The following GLDC variants were observed in gnomAD, a reference collection of about 807,000 sequenced individuals.
GLDC encodes glycine decarboxylase, also known as glycine dehydrogenase (decarboxylating), mitochondrial.
GLDC carries 104 observed loss-of-function variants against 121.3 expected under a neutral mutation model. That is an observed-to-expected ratio of 0.86 (90% CI 0.73 to 1.01). The LOEUF (loss-of-function observed/expected upper bound fraction) is 1.01. GLDC is among the 50% of genes least tolerant of loss of function. GLDC has a pLI of 0.00. For synonymous variants in GLDC, 546 were observed against 480.6 expected (o/e 1.14, Z -1.78); for missense variants, 1,429 against 1,306.6 (o/e 1.09, Z -1.44).
chr9:6,596,375 C>G (rs779263542), intron 8 of GLDC, among the ~76,000 whole-genome samples: 1 of 151,766 alleles, frequency 6.6e-6, no homozygotes, highest in African/African-American at 2.4e-5. Flanking sequence ...ACTAGAATAT[C>G]AAAAGAAGAA....
At position 6,539,815 on chromosome 9, in the gene GLDC, C is replaced by T. The variant is rs112479733; in HGVS notation, c.2665+236G>A. Among the ~76,000 whole-genome samples, 102 of 152,300 alleles carry T rather than the reference C, an allele frequency of 6.7e-4. 1 individual carries two copies. The highest frequency in any genetic ancestry group is 2.4e-3 in the African/African-American group (98 of 41,568). Reference sequence around the variant, plus strand: ...AAGGGGTTTTAATTTTAATCTTAAACACTTTTCTTGGCTGTTAATGGATTC... The same window carrying T: ...AAGGGGTTTTAATTTTAATCTTAAATACTTTTCTTGGCTGTTAATGGATTC... On this transcript the variant is annotated intron_variant, in intron 22 of 24. Coordinates refer to ENST00000321612, the MANE Select transcript of GLDC (RefSeq NM_000170.3).
intron 2 of GLDC, chr9:6,639,274 A>G (rs1587986061): frequency 1.1e-6 from 1 of 903,012 alleles, no homozygotes; most frequent in Non-Finnish European, 1.8e-6. Flanking sequence ...CACATCACCC[A>G]CCTTCCGGCG....
intron 16 of GLDC, among the ~76,000 whole-genome samples, chr9:6,563,204 T>A (rs1817791924): frequency 6.6e-6 from 1 of 152,230 alleles, no homozygotes; most frequent in Non-Finnish European, 1.5e-5. Flanking sequence ...TCTTTCTCCT[T>A]GGCCTTTCCA....
chr9:6,579,679 G>A (rs975431170), intron 15 of GLDC, among the ~76,000 whole-genome samples: 1 of 151,896 alleles, frequency 6.6e-6, no homozygotes, highest in African/African-American at 2.4e-5. Flanking sequence ...GAAACTCATG[G>A]TTTTAGTTGC....
At chr9:6,616,579 G>A (rs915503429) in intron 3 of GLDC, among the ~76,000 whole-genome samples, 1 of 152,090 alleles carries the variant, frequency 6.6e-6, no homozygotes, top group Non-Finnish European at 1.5e-5. Context: ...CTATCAAAAG[G>A]CCTGCCATCA....
chr9:6,558,393 C>T, intron 17 of GLDC, 166 bp downstream of exon 17: 1 of 782,018 alleles, frequency 1.3e-6, no homozygotes, highest in Non-Finnish European at 2.2e-6. Flanking sequence ...ACGGGGATTT[C>T]TCCCTGTTGG....
At chr9:6,609,134 G>A (rs1163813850) in intron 4 of GLDC, among the ~76,000 whole-genome samples, 1 of 152,166 alleles carries the variant, frequency 6.6e-6, no homozygotes, top group Non-Finnish European at 1.5e-5. Context: ...CCATCTACAT[G>A]AGAATTCCAC....
chr9:6,545,799 C>G (rs566290220), intron 21 of GLDC, among the ~76,000 whole-genome samples: 2 of 152,126 alleles, frequency 1.3e-5, no homozygotes, highest in African/African-American at 4.8e-5. Context: ...CACCACCATG[C>G]CTGGCTAATT....
chr9:6,572,940 G>A lies in GLDC; in HGVS notation c.1851-7511C>T, dbSNP rs140090372. The stretch of plus-strand genomic sequence containing the variant: ...CATTCCCAGGCAGATCTCACAAACA[G>A]GTATTTCCTGCAGCCACCCGGGAGT... On this transcript the variant is annotated intron_variant, in intron 15 of 24. Coordinates refer to ENST00000321612, the MANE Select transcript of GLDC (RefSeq NM_000170.3). 2.5e-3 allele frequency among the ~76,000 whole-genome samples: 382 copies of A among 152,244 alleles called. 3 individuals carry two copies. Among genetic ancestry groups the A allele is most frequent in the African/African-American group, 8.7e-3 (363 of 41,556 alleles).
At chr9:6,577,439 G>C (rs970650151) in intron 15 of GLDC, among the ~76,000 whole-genome samples, 1 of 152,202 alleles carries the variant, frequency 6.6e-6, no homozygotes, top group Non-Finnish European at 1.5e-5. Context: ...GCTGATGGAG[G>C]AACCCTCTGA....
intron 3 of GLDC, among the ~76,000 whole-genome samples, chr9:6,619,504 G>A (rs533221539): frequency 6.6e-6 from 1 of 152,116 alleles, no homozygotes; most frequent in South Asian, 2.1e-4. Context: ...GAAGCGGGCG[G>A]ATCACCTGAG....
At chr9:6,533,493 G>T (rs1233256114) in intron 24 of GLDC, among the ~76,000 whole-genome samples, 1 of 152,000 alleles carries the variant, frequency 6.6e-6, no homozygotes, top group Non-Finnish European at 1.5e-5. Context: ...TGGATATTTA[G>T]CTGACCTTCT....
At chr9:6,625,786 G>T (rs1267417974) in intron 2 of GLDC, among the ~76,000 whole-genome samples, 2 of 151,984 alleles carry the variant, frequency 1.3e-5, no homozygotes, top group Non-Finnish European at 2.9e-5. Flanking sequence ...TGATAGGAAA[G>T]GTGGGGTTAA....
intron 2 of GLDC, among the ~76,000 whole-genome samples, chr9:6,625,742 T>C (rs1819223341): frequency 1.3e-5 from 2 of 152,094 alleles, no homozygotes; most frequent in South Asian, 4.1e-4. Context: ...TCCACTCCTA[T>C]GATAGTAGCC....
At chr9:6,593,729 G>A (rs1158208785) in intron 9 of GLDC, among the ~76,000 whole-genome samples, 1 of 140,742 alleles carries the variant, frequency 7.1e-6, no homozygotes, top group Non-Finnish European at 1.5e-5. Flanking sequence ...GTCTCACTCT[G>A]TTGCCCAGGA....
intron 3 of GLDC, among the ~76,000 whole-genome samples, chr9:6,614,673 G>A (rs551418581): frequency 3.9e-5 from 6 of 152,106 alleles, no homozygotes; most frequent in Admixed American, 2.0e-4. Flanking sequence ...ACAGGAGTGA[G>A]CCACTGTGCC....
At chr9:6,556,029 A>G in intron 18 of GLDC, 124 bp downstream of exon 18, 1 of 711,102 alleles carries the variant, frequency 1.4e-6, no homozygotes. Context: ...AACAACCACC[A>G]GTGGTCAGGT....
In GLDC at chr9:6,605,169, C is replaced by G. The variant is rs147497463; in HGVS notation, c.823G>C (p.Asp275His). ...GCTCTCTCCACGAGTTCCGTAAAGT[C>G]TTCCACCTTCCCCTCCGTGTCTGGG... ...QYPDTEGKVEDFTELVERAHQ... is the reference protein window; with the variant it reads ...QYPDTEGKVEHFTELVERAHQ... The change falls in exon 6 of 25, where the codon GAC becomes CAC. Residue 275 changes from aspartate (D) to histidine (H), a missense_variant. Coordinates refer to ENST00000321612, the MANE Select transcript of GLDC (RefSeq NM_000170.3). 5 of 1,613,308 alleles carry G rather than the reference C, an allele frequency of 3.1e-6. No individual in the cohort carries two copies. The highest frequency in any genetic ancestry group is 3.3e-5 in the Admixed American group (2 of 59,996).
chr9:6,533,762 G>A (rs1817050370), intron 24 of GLDC, among the ~76,000 whole-genome samples: 1 of 151,786 alleles, frequency 6.6e-6, no homozygotes, highest in Non-Finnish European at 1.5e-5. Flanking sequence ...GGAGGCTAAG[G>A]TAGGAGAATC....
Sources: gnomAD v4.1 joint callset for allele counts (sites outside exome capture counted in the v4.1 genomes callset) on GRCh38, gnomAD v4.1.1 for gene constraint, MANE v1.5 for transcripts, NCBI Gene and HGNC (gene_info 2026-07-23, HGNC 2026-07-21) for gene names.